The following DLC1 variants were observed in gnomAD, a reference collection of about 807,000 sequenced individuals.
DLC1 encodes DLC1 Rho GTPase activating protein.
In DLC1, 54 loss-of-function variants were observed where a neutral mutation model predicts 140.3. That is an observed-to-expected ratio of 0.38 (90% CI 0.31 to 0.48). DLC1 has a LOEUF of 0.48. DLC1 is among the 20% of genes least tolerant of loss of function. The pLI, the probability that DLC1 is intolerant of heterozygous loss-of-function variation, is 0.96. For synonymous variants in DLC1, 986 were observed against 728.1 expected (o/e 1.35, Z -5.70); for missense variants, 2,536 against 1,907.0 (o/e 1.33, Z -6.14).
intron 5 of DLC1, among the ~76,000 whole-genome samples, chr8:13,157,291 G>A (rs1264943987): frequency 1.3e-5 from 2 of 152,128 alleles, no homozygotes. Context: ...AAGAATACGT[G>A]CAATTTGAGT....
intron 3 of DLC1, among the ~76,000 whole-genome samples, chr8:13,397,029 A>G (rs952593593): frequency 4.7e-5 from 7 of 148,064 alleles, no homozygotes; most frequent in African/African-American, 1.8e-4. Flanking sequence ...CTATGCCTCC[A>G]GTTATGCCAT....
chr8:13,312,803 A>G (rs773454170), intron 4 of DLC1, among the ~76,000 whole-genome samples: 1 of 152,098 alleles, frequency 6.6e-6, no homozygotes, highest in Non-Finnish European at 1.5e-5. Flanking sequence ...AATACTGACT[A>G]TTCATAACAG....
intron 2 of DLC1, among the ~76,000 whole-genome samples, chr8:13,460,299 C>T (rs1799600837): frequency 6.6e-6 from 1 of 152,192 alleles, no homozygotes; most frequent in African/African-American, 2.4e-5. Context: ...TTTTCATCTC[C>T]CATGGCTCCT....
At chr8:13,365,470 A>G (rs948700429) in intron 4 of DLC1, among the ~76,000 whole-genome samples, 5 of 152,110 alleles carry the variant, frequency 3.3e-5, no homozygotes, top group Non-Finnish European at 7.3e-5. Context: ...CTGTGCCTTT[A>G]TCCTACTCTA....
chr8:13,157,439 A>T (rs891442516), intron 5 of DLC1, among the ~76,000 whole-genome samples: 2 of 151,844 alleles, frequency 1.3e-5, no homozygotes, highest in Non-Finnish European at 2.9e-5. Context: ...TTCAGAGGGG[A>T]CAATTGGAAT....
At chr8:13,547,524 T>C (rs1024941183) in intron 1 of DLC1, among the ~76,000 whole-genome samples, 4 of 152,074 alleles carry the variant, frequency 2.6e-5, no homozygotes, top group African/African-American at 9.7e-5. Flanking sequence ...ATTCTCTACA[T>C]TTCTTGTTCT....
At chr8:13,358,475 C>A (rs569947247) in intron 4 of DLC1, among the ~76,000 whole-genome samples, 76 of 152,138 alleles carry the variant, frequency 5.0e-4, no homozygotes, top group Non-Finnish European at 8.8e-4. Context: ...CAGTTTTGTG[C>A]TGCTTAACTG....
chr8:13,348,090 A>AAAACAAACAAACAAAC (rs141062541), intron 4 of DLC1, among the ~76,000 whole-genome samples: 30 of 106,806 alleles, frequency 2.8e-4, no homozygotes, highest in African/African-American at 4.8e-4. Context: ...CTCCATCTCA[A>AAAACAAACAAACAAAC]AAACAAACAA....
At chr8:13,482,947 G>C (rs566032565) in intron 2 of DLC1, among the ~76,000 whole-genome samples, 1 of 152,296 alleles carries the variant, frequency 6.6e-6, no homozygotes, top group East Asian at 1.9e-4. Context: ...TCCTGAGGCT[G>C]CTCTAACAAA....
In DLC1 at chr8:13,588,217, T is replaced by C. The variant is rs918193142; in HGVS notation, c.-126+16320A>G. Among the ~76,000 whole-genome samples, 5 of 152,034 alleles carry C rather than the reference T, an allele frequency of 3.3e-5. No individual in the cohort carries two copies. The East Asian group carries it at 7.7e-4, about 24-fold the overall frequency. On this transcript the variant is annotated intron_variant, in intron 1 of 1. Transcript: ENST00000631382. ...ATGAACAATGGAAAAAGAATGGGGTTAAAAAAATAGACAAACCCTGGTGCC... is the reference window on the plus strand; with the variant it reads ...ATGAACAATGGAAAAAGAATGGGGTCAAAAAAATAGACAAACCCTGGTGCC...
At chr8:13,132,290 C>G (rs911179518) in intron 5 of DLC1, among the ~76,000 whole-genome samples, 6 of 150,888 alleles carry the variant, frequency 4.0e-5, no homozygotes, top group Admixed American at 6.6e-5. Context: ...GCTAAACTAC[C>G]CCAACACTCT....
intron 5 of DLC1, among the ~76,000 whole-genome samples, chr8:13,181,319 T>G (rs1331288872): frequency 6.6e-6 from 1 of 151,710 alleles, no homozygotes; most frequent in Non-Finnish European, 1.5e-5. Context: ...TATTTCTTTT[T>G]TTTTTTTCTT....
chr8:13,348,752 G>A (rs532813486), intron 4 of DLC1, among the ~76,000 whole-genome samples: 2 of 152,186 alleles, frequency 1.3e-5, no homozygotes, highest in South Asian at 2.1e-4. Context: ...TGGAAGCGAA[G>A]GTAACAGGAA....
At chr8:13,098,637 A>AT (rs1818715001) in intron 9 of DLC1, 62 bp from the exon 10 acceptor site, 4 of 1,508,644 alleles carry the variant, frequency 2.7e-6, no homozygotes, top group Non-Finnish European at 3.5e-6. Flanking sequence ...TATTTATTTT[A>AT]TTTTTTCTTG....
chr8:13,320,632 G>C (rs945586277), intron 4 of DLC1, among the ~76,000 whole-genome samples: 3 of 152,058 alleles, frequency 2.0e-5, no homozygotes, highest in Non-Finnish European at 4.4e-5. Context: ...TTGGGTCATG[G>C]GGTGATCTCT....
chr8:13,551,065 C>CAA (rs1247466743), intron 1 of DLC1, among the ~76,000 whole-genome samples: 1 of 34,642 alleles, frequency 2.9e-5, no homozygotes, highest in Non-Finnish European at 8.4e-5. Context: ...CACACACACA[C>CAA]ACACACACAC....
At chr8:13,602,072 A>G (rs144664896) in intron 1 of DLC1, among the ~76,000 whole-genome samples, 3 of 152,020 alleles carry the variant, frequency 2.0e-5, no homozygotes, top group African/African-American at 7.2e-5. Flanking sequence ...ACCCAGCCAA[A>G]CATAAATCAT....
intron 5 of DLC1, among the ~76,000 whole-genome samples, chr8:13,291,411 TTC>T (rs1253718730): frequency 1.3e-5 from 2 of 152,234 alleles, no homozygotes; most frequent in African/African-American, 4.8e-5. Context: ...GTAAATTTAT[TTC>T]TGTCTGCTCC....
intron 4 of DLC1, among the ~76,000 whole-genome samples, chr8:13,378,825 C>T (rs1048584477): frequency 6.6e-6 from 1 of 152,014 alleles, no homozygotes; most frequent in Non-Finnish European, 1.5e-5. Flanking sequence ...ATGTCCCTTC[C>T]AATTCATACA....
Sources: allele counts gnomAD v4.1 joint callset (sites outside exome capture counted in the v4.1 genomes callset), GRCh38; gene constraint gnomAD v4.1.1; transcripts MANE v1.5; gene names NCBI Gene and HGNC (gene_info 2026-07-23, HGNC 2026-07-21).